The following OXNAD1 variants were observed in gnomAD, a reference collection of about 807,000 sequenced individuals.
OXNAD1 encodes oxidoreductase NAD binding domain containing 1, also known as oxidoreductase NAD-binding domain-containing protein 1.
Under a neutral mutation model 32.9 loss-of-function variants are expected in OXNAD1, and 34 were observed. That is an observed-to-expected ratio of 1.03 (90% CI 0.79 to 1.38). The LOEUF is 1.38. OXNAD1 is among the 40% of genes most tolerant of loss of function. The probability of loss-of-function intolerance (pLI) is 0.00; values close to 1 mark genes in which losing one functional copy is unlikely to be tolerated. For missense variants in OXNAD1, 407 were observed against 379.4 expected, an observed-to-expected ratio of 1.07 and a Z score of -0.60; for synonymous variants, 134 against 135.2, an observed-to-expected ratio of 0.99 and a Z score of 0.06.
rs2064415633 is a variant in OXNAD1, at chr3:16,265,390, G to A, written c.-274G>A. 6.4e-6 allele frequency: 1 copy of A among 156,028 alleles called. No individual in the cohort carries two copies. Among genetic ancestry groups the A allele is most frequent in the Non-Finnish European group, 1.4e-5 (1 of 69,772 alleles). The allele number at this position is 156,028 out of a possible 1,614,324, so 9.7% of individuals were successfully genotyped here. ...AAGGCGGGGTGGGGAGGCGAGAGCA[G>A]CTTAGCCTCCTCGACCTCCCTTCCT... On this transcript the variant is annotated 5_prime_UTR_variant, in exon 1 of 9. Transcript: ENST00000285083. This position sits in a 1 kb window ranked among gnomAD's most constrained non-coding sequence, Gnocchi z 4.8.
chr3:16,287,613 G>A lies in OXNAD1; in HGVS notation c.290+1165G>A, dbSNP rs2066158923. ...ATATTTCCTTTCTGTGGAAATGTTT[G>A]TGTCCTGTGCAAAGCACTGTCTCCG... On this transcript the variant is annotated intron_variant, in intron 5 of 8. Transcript: ENST00000285083. This position sits in a 1 kb window ranked among gnomAD's most constrained non-coding sequence, Gnocchi z 4.8. Among the ~76,000 whole-genome samples, 1 of 152,158 alleles carries A rather than the reference G, an allele frequency of 6.6e-6. No homozygotes were observed. Among genetic ancestry groups the A allele is most frequent in the African/African-American group, 2.4e-5 (1 of 41,428 alleles).
chr3:16,276,515 ATTTTTTTTT>A (rs35338490), intron 4 of OXNAD1: 2 of 143,390 alleles, frequency 1.4e-5, no homozygotes, highest in Non-Finnish European at 3.0e-5. Flanking sequence ...CAATCTTGCT[ATTTTTTTTT>A]TTTTTTTTTA....
Position 16,346,367 on chromosome 3 carries a change from GCTGT to G in OXNAD1, c.*31-2805_*31-2802del, listed in dbSNP as rs2071719009. ...AATTTTGTATATGAAGTGAAATATG[GCTGT>G]CTGAGAAAATAGGACAATTGAGTTT... On this transcript the variant is annotated intron_variant, in intron 9 of 9. Transcript: ENST00000606098. The surrounding 1 kb of genome is among the most constrained non-coding windows in gnomAD (Gnocchi z 4.4). The G allele has an allele frequency of 6.6e-6, 1 of 152,174 alleles. No homozygotes were observed. 9.4% of individuals were successfully genotyped at this position (152,174 alleles called of 1,614,324 possible). A position where few individuals can be genotyped will look rare whatever the true frequency, so the allele number is the denominator to read the frequency against.
Position 16,302,525 on chromosome 3 carries a change from G to C in OXNAD1, c.676-115G>C, listed in dbSNP as rs891477840. 4.3e-6 allele frequency: 3 copies of C among 694,504 alleles called. No homozygotes were observed. The highest frequency in any genetic ancestry group is 3.6e-5 in the African/African-American group (2 of 55,882). The allele number at this position is 694,504 out of a possible 1,614,324, so 43.0% of individuals were successfully genotyped here. On this transcript the variant is annotated intron_variant, in intron 7 of 8. Transcript: ENST00000285083. The surrounding 1 kb of genome is among the most constrained non-coding windows in gnomAD (Gnocchi z 4.2). Reference sequence around the variant, plus strand: ...TGCAAACAATATCTCTCTAAGTAGAGAGCGAGAGCGGCAGACGTGTGCAGA... The same window carrying C: ...TGCAAACAATATCTCTCTAAGTAGACAGCGAGAGCGGCAGACGTGTGCAGA...
intron 5 of OXNAD1, 102 bp from the exon 6 acceptor site, chr3:16,294,754 G>A: frequency 8.9e-7 from 1 of 1,117,468 alleles, no homozygotes; most frequent in East Asian, 2.5e-5. Context: ...CTTGATTTTA[G>A]TAATTTTTTT....
At chr3:16,333,781 A>G (rs2070566474) in intron 9 of OXNAD1, among the ~76,000 whole-genome samples, 1 of 152,218 alleles carries the variant, frequency 6.6e-6, no homozygotes, top group Non-Finnish European at 1.5e-5. Context: ...CCAAATTTTA[A>G]AAGGGCCAAA....
chr3:16,266,458 A>G (rs567123978), intron 1 of OXNAD1, among the ~76,000 whole-genome samples: 1 of 151,994 alleles, frequency 6.6e-6, no homozygotes, highest in Admixed American at 6.6e-5. Flanking sequence ...TACACAAATT[A>G]GCCAGGTGTG....
chr3:16,306,862 G>A (rs1008868721), downstream of OXNAD1, among the ~76,000 whole-genome samples: 2 of 152,170 alleles, frequency 1.3e-5, no homozygotes, highest in Admixed American at 6.5e-5. Flanking sequence ...TTTTAATGCT[G>A]TTAAGATGGA....
rs2069095055 is a variant in OXNAD1, at chr3:16,321,857, A to G, written c.*31-15255A>G. Among the ~76,000 whole-genome samples, 1 of 152,154 alleles carries G rather than the reference A, an allele frequency of 6.6e-6. No homozygotes were observed. The highest frequency in any genetic ancestry group is 2.1e-4 in the South Asian group (1 of 4,832). The stretch of plus-strand genomic sequence containing the variant: ...GCAGCTTTTACAAATCTATCTCTAA[A>G]GTCTCCCTGCCGACTCAAGTTTCCA... On this transcript the variant is annotated intron_variant, in intron 9 of 9. Transcript: ENST00000435829. This position sits in a 1 kb window ranked among gnomAD's most constrained non-coding sequence, Gnocchi z 4.8.
At chr3:16,347,304 G>T (rs986329837) in intron 9 of OXNAD1, among the ~76,000 whole-genome samples, 1 of 152,204 alleles carries the variant, frequency 6.6e-6, no homozygotes, top group Non-Finnish European at 1.5e-5. Flanking sequence ...ATTTTCTAGG[G>T]GGGGCTATAA....
rs1411029336 is a variant in OXNAD1 at position 16,289,800 on chromosome 3, A to C, written c.290+3352A>C. On this transcript the variant is annotated intron_variant, in intron 5 of 8. Coordinates refer to ENST00000285083, the MANE Select transcript of OXNAD1 (RefSeq NM_138381.5). The surrounding 1 kb of genome is among the most constrained non-coding windows in gnomAD (Gnocchi z 4.9). ...TCTTAATTCCTGTACTCCTGGTAGA[A>C]TTGACTCCTCCTTCCTCTGCCTTGC... Among the ~76,000 whole-genome samples, 5 of 152,222 alleles carry C rather than the reference A, an allele frequency of 3.3e-5. No homozygotes were observed. The highest frequency in any genetic ancestry group is 1.5e-5 in the Non-Finnish European group (1 of 68,032).
downstream of OXNAD1, among the ~76,000 whole-genome samples, chr3:16,341,063 TC>T (rs1243908675): frequency 6.6e-6 from 1 of 152,142 alleles, no homozygotes; most frequent in Non-Finnish European, 1.5e-5. The surrounding 1 kb of genome is among the most constrained non-coding windows in gnomAD (Gnocchi z 4.7). Context: ...AAAAAGATGC[TC>T]AACATCATAT....
rs1010058095 is a variant in OXNAD1, at chr3:16,302,110, G to A, written c.675+242G>A. 6.6e-6 allele frequency among the ~76,000 whole-genome samples: 1 copy of A among 152,162 alleles called. No homozygotes were observed. The highest frequency in any genetic ancestry group is 2.4e-5 in the African/African-American group (1 of 41,424). On this transcript the variant is annotated intron_variant, in intron 7 of 8. Coordinates refer to ENST00000285083, the MANE Select transcript of OXNAD1 (RefSeq NM_138381.5). This position sits in a 1 kb window ranked among gnomAD's most constrained non-coding sequence, Gnocchi z 4.2. ...AGGTTTTGGTGGGATGGAATCTGGAGGTTAAATGAACAGAAAAGTCACAAG... is the reference window on the plus strand; with the variant it reads ...AGGTTTTGGTGGGATGGAATCTGGAAGTTAAATGAACAGAAAAGTCACAAG...
intron 6 of OXNAD1, among the ~76,000 whole-genome samples, chr3:16,300,606 G>A (rs1418261879): frequency 6.6e-6 from 1 of 152,254 alleles, no homozygotes; most frequent in African/African-American, 2.4e-5. Flanking sequence ...ACAAGTCATT[G>A]TGCAGGACAG....
chr3:16,280,317 T>C lies in OXNAD1; in HGVS notation c.184-6025T>C, dbSNP rs2065652656. ...CAGCCCAGGTGGACAGGTTAGCCTT[T>C]GGTAGGAGTAAAGTGAGTTTACTTG... On this transcript the variant is annotated intron_variant, in intron 4 of 8. Coordinates refer to ENST00000285083, the MANE Select transcript of OXNAD1 (RefSeq NM_138381.5). This position sits in a 1 kb window ranked among gnomAD's most constrained non-coding sequence, Gnocchi z 4.5. 6.6e-6 allele frequency among the ~76,000 whole-genome samples: 1 copy of C among 152,192 alleles called. No individual in the cohort carries two copies. Among genetic ancestry groups the C allele is most frequent in the Non-Finnish European group, 1.5e-5 (1 of 68,020 alleles).
In OXNAD1 at chr3:16,326,609, G is replaced by A. The variant is rs543330039; in HGVS notation, c.*31-10503G>A. Among the ~76,000 whole-genome samples the A allele has an allele frequency of 1.1e-4, 17 of 152,304 alleles. No individual in the cohort carries two copies. The East Asian group carries it at 1.5e-3, about 14-fold the overall frequency. On this transcript the variant is annotated intron_variant, in intron 9 of 9. Coordinates refer to the OXNAD1 transcript ENST00000435829. ...GAGTTCTCTGGGTGACGGTGGTTAAGAATGTGAAATTCTGGCTCTGCTGCT... is the reference window on the plus strand; with the variant it reads ...GAGTTCTCTGGGTGACGGTGGTTAAAAATGTGAAATTCTGGCTCTGCTGCT...
At chr3:16,311,817 A>G (rs2068000801) in intron 9 of OXNAD1, among the ~76,000 whole-genome samples, 1 of 152,218 alleles carries the variant, frequency 6.6e-6, no homozygotes, top group Admixed American at 6.5e-5. Flanking sequence ...TGATGTCATC[A>G]GTGGCCTCCT....
intron 9 of OXNAD1, chr3:16,323,555 A>G: frequency 1.2e-6 from 1 of 815,600 alleles, no homozygotes; most frequent in Non-Finnish European, 2.0e-6. Context: ...AAAGCAGACC[A>G]CCCACAGGAT....
chr3:16,324,034 T>A lies in OXNAD1; in HGVS notation c.*31-13078T>A, dbSNP rs189805712. Among the ~76,000 whole-genome samples, 607 of 152,042 alleles carry A rather than the reference T, an allele frequency of 4.0e-3. 4 individuals carry two copies. The highest frequency in any genetic ancestry group is 0.014 in the African/African-American group (580 of 41,466). ...ACTCGTATCTTACAATACAGTGAAT[T>A]CTCTCTTCCCAGGAAGGCAGGACCT... is the stretch of plus-strand genomic sequence containing the variant. On this transcript the variant is annotated intron_variant, in intron 9 of 9. Transcript: ENST00000435829.
Sources: allele counts gnomAD v4.1 joint callset (sites outside exome capture counted in the v4.1 genomes callset), GRCh38; gene constraint gnomAD v4.1.1; non-coding constraint Gnocchi (gnomAD v3.1); transcripts MANE v1.5; gene names NCBI Gene and HGNC (gene_info 2026-07-23, HGNC 2026-07-21).